GPC5: variants seen among roughly 807,000 people sequenced by gnomAD.
GPC5 encodes the protein glypican-5.
GPC5 carries 47 observed loss-of-function variants against 53.9 expected under a neutral mutation model. The ratio of observed to expected loss-of-function variants is 0.87; its 90% confidence interval spans 0.69 to 1.11. The LOEUF (loss-of-function observed/expected upper bound fraction) is 1.11, where lower values mean the gene tolerates loss of function less well. GPC5 is among the 50% of genes most tolerant of loss of function. The pLI is 0.00. For missense variants in GPC5, 748 were observed against 713.1 expected, an observed-to-expected ratio of 1.05 and a Z score of -0.56; for synonymous variants, 286 against 263.3, an observed-to-expected ratio of 1.09 and a Z score of -0.84.
intron 7 of GPC5, among the ~76,000 whole-genome samples, chr13:92,445,623 T>G (rs1334161262): frequency 6.6e-6 from 1 of 151,472 alleles, no homozygotes; most frequent in Non-Finnish European, 1.5e-5. Context: ...ATTTCATCCA[T>G]GTCCCTAAAA....
chr13:92,685,544 A>ATTTTTTTTT (rs61560973), intron 7 of GPC5, among the ~76,000 whole-genome samples: 1 of 105,614 alleles, frequency 9.5e-6, no homozygotes, highest in African/African-American at 3.8e-5. Flanking sequence ...AATTATGCTC[A>ATTTTTTTTT]TTTTTTTTTT....
intron 7 of GPC5, among the ~76,000 whole-genome samples, chr13:92,145,951 C>G (rs2041863969): frequency 6.6e-6 from 1 of 152,068 alleles, no homozygotes; most frequent in African/African-American, 2.4e-5. Context: ...ATAAATGCTT[C>G]CAAAATCAAT....
chr13:91,590,632 G>A (rs2032762129), intron 2 of GPC5, among the ~76,000 whole-genome samples: 1 of 152,084 alleles, frequency 6.6e-6, no homozygotes, highest in Non-Finnish European at 1.5e-5. Context: ...AAATAATCTT[G>A]TTTGCTCAAG....
At chr13:92,037,047 T>G (rs534818704) in intron 6 of GPC5, among the ~76,000 whole-genome samples, 1 of 152,342 alleles carries the variant, frequency 6.6e-6, no homozygotes, top group South Asian at 2.1e-4. Context: ...TGCCATTTAT[T>G]TGCTCTAATC....
chr13:92,228,490 T>G (rs2139097450), intron 7 of GPC5, among the ~76,000 whole-genome samples: 1 of 152,206 alleles, frequency 6.6e-6, no homozygotes, highest in African/African-American at 2.4e-5. Context: ...GAAAAAAAGT[T>G]ACACGAATTA....
chr13:92,225,360 T>C (rs1360176342), intron 7 of GPC5, among the ~76,000 whole-genome samples: 1 of 152,240 alleles, frequency 6.6e-6, no homozygotes, highest in Non-Finnish European at 1.5e-5. Context: ...GGTTTCTGAA[T>C]GGCTTATGCC....
intron 7 of GPC5, among the ~76,000 whole-genome samples, chr13:92,512,913 G>A (rs1053101833): frequency 3.3e-5 from 5 of 152,176 alleles, no homozygotes; most frequent in Admixed American, 6.5e-5. Context: ...AAAGTCTTCA[G>A]GGCTTTGGTT....
At chr13:92,478,199 G>C (rs1355404253) in intron 7 of GPC5, among the ~76,000 whole-genome samples, 1 of 152,094 alleles carries the variant, frequency 6.6e-6, no homozygotes, top group Non-Finnish European at 1.5e-5. Flanking sequence ...ATTATTGCAT[G>C]AAGACCCAAT....
intron 7 of GPC5, among the ~76,000 whole-genome samples, chr13:92,685,594 G>T (rs1887248531): frequency 2.3e-5 from 2 of 87,732 alleles, no homozygotes; most frequent in Admixed American, 1.3e-4. Context: ...TAAGTTTTAG[G>T]GTACATGTGC....
chr13:92,792,521 G>A lies in GPC5; in HGVS notation c.1562-73761G>A, dbSNP rs202188235. Among the ~76,000 whole-genome samples, 23 of 152,152 alleles carry A rather than the reference G, an allele frequency of 1.5e-4. No homozygotes were observed. The East Asian group carries it at 4.5e-3, about 30-fold the overall frequency. On this transcript the variant is annotated intron_variant, in intron 7 of 7. Transcript: ENST00000377067. ...TAAACAGCTAACATCATAATGACAG[G>A]ATCAAATTCACACATAACAATATTA...
intron 7 of GPC5, among the ~76,000 whole-genome samples, chr13:92,296,504 C>T (rs1459921796): frequency 1.3e-5 from 2 of 152,178 alleles, no homozygotes; most frequent in African/African-American, 4.8e-5. Context: ...AGCATGCTGG[C>T]AGCCCTCAGA....
chr13:92,632,530 G>T (rs9523736), intron 7 of GPC5, among the ~76,000 whole-genome samples: 55,385 of 144,184 alleles, frequency 0.38, 10,764 homozygotes, highest in South Asian at 0.51. Context: ...ACACACACAA[G>T]CTACCTGTAT....
Position 91,471,680 on chromosome 13 carries a change from G to T in GPC5, c.325+22758G>T, listed in dbSNP as rs1354150638. Reference sequence around the variant, plus strand: ...AAAACTGTCTCAACACCACTTTGTGGCTAGTACCTTGTTTTGACTCTTTAT... The same window carrying T: ...AAAACTGTCTCAACACCACTTTGTGTCTAGTACCTTGTTTTGACTCTTTAT... On this transcript the variant is annotated intron_variant, in intron 2 of 7. Transcript: ENST00000377067. Among the ~76,000 whole-genome samples, 2 of 151,988 alleles carry T rather than the reference G, an allele frequency of 1.3e-5. 1 individual carries two copies. Among genetic ancestry groups the T allele is most frequent in the Non-Finnish European group, 2.9e-5 (2 of 67,994 alleles).
In GPC5 at chr13:92,751,303, T is replaced by TAAAAA. The variant is rs71123435; in HGVS notation, c.1562-114951_1562-114947dup. On this transcript the variant is annotated intron_variant, in intron 7 of 7. Coordinates refer to ENST00000377067, the MANE Select transcript of GPC5 (RefSeq NM_004466.6). ...AAACCTTTGGTCATCCAGAAACATT[T>TAAAAA]AAAAAAAAAAAAAAAAAAAAAAAAA... 6.9e-3 allele frequency among the ~76,000 whole-genome samples: 269 copies of TAAAAA among 38,740 alleles called. 14 individuals are homozygous for TAAAAA. The highest frequency in any genetic ancestry group is 7.7e-3 in the Non-Finnish European group (145 of 18,930). The allele number at this position is 38,740 out of a possible 152,430, so 25.4% of individuals were successfully genotyped here.
chr13:92,830,616 GA>G (rs1878014898), intron 7 of GPC5, among the ~76,000 whole-genome samples: 1 of 151,950 alleles, frequency 6.6e-6, no homozygotes, highest in South Asian at 2.1e-4. Flanking sequence ...TAAAGCATGG[GA>G]TTTTTTTTAA....
intron 6 of GPC5, among the ~76,000 whole-genome samples, chr13:92,043,351 G>A (rs1218687784): frequency 1.3e-5 from 2 of 152,130 alleles, no homozygotes; most frequent in Non-Finnish European, 2.9e-5. Flanking sequence ...TTATGGGATG[G>A]AGAAAAAGCT....
chr13:92,788,748 T>G (rs1329507485), intron 7 of GPC5, among the ~76,000 whole-genome samples: 3 of 152,106 alleles, frequency 2.0e-5, no homozygotes, highest in African/African-American at 7.2e-5. Context: ...TACAAAAGTT[T>G]AAGGAAAGGG....
chr13:92,845,033 C>T (rs960228618), intron 7 of GPC5, among the ~76,000 whole-genome samples: 8 of 151,866 alleles, frequency 5.3e-5, no homozygotes, highest in African/African-American at 1.2e-4. Flanking sequence ...TTCTCCTCAA[C>T]AAATTTTGAG....
intron 2 of GPC5, among the ~76,000 whole-genome samples, chr13:91,573,070 G>A (rs917174117): frequency 6.6e-6 from 1 of 152,158 alleles, no homozygotes; most frequent in African/African-American, 2.4e-5. Context: ...ATTCTTCAGT[G>A]ATCTCCTGAT....
Sources: allele counts gnomAD v4.1 joint callset (sites outside exome capture counted in the v4.1 genomes callset), GRCh38; gene constraint gnomAD v4.1.1; transcripts MANE v1.5; gene names NCBI Gene and HGNC (gene_info 2026-07-23, HGNC 2026-07-21).